Variants in TMEM232 observed in about 807,000 individuals in gnomAD.
TMEM232 encodes the protein transmembrane protein 232.
In TMEM232, 80 loss-of-function variants were observed where a neutral mutation model predicts 78.8. That is an observed-to-expected ratio of 1.01 (90% CI 0.85 to 1.22). The LOEUF is 1.22. TMEM232 is among the 50% of genes most tolerant of loss of function. The pLI, the probability that TMEM232 is intolerant of heterozygous loss-of-function variation, is 0.00. For missense variants in TMEM232, 881 were observed against 742.2 expected (o/e 1.19, Z -2.17); for synonymous variants, 297 against 254.3 (o/e 1.17, Z -1.60).
chr5:110,516,453 C>T (rs1382162423), intron 12 of TMEM232, among the ~76,000 whole-genome samples: 1 of 152,032 alleles, frequency 6.6e-6, no homozygotes, highest in East Asian at 1.9e-4. Flanking sequence ...CTTCATAGTT[C>T]TAAATTCTCA....
chr5:110,624,535 A>T (rs1377986031), intron 7 of TMEM232, among the ~76,000 whole-genome samples: 1 of 152,054 alleles, frequency 6.6e-6, no homozygotes, highest in Middle Eastern at 3.2e-3. Flanking sequence ...TTATCTATTT[A>T]CTGCTAAAAC....
intron 12 of TMEM232, among the ~76,000 whole-genome samples, chr5:110,503,954 AT>A (rs1378064624): frequency 6.6e-6 from 1 of 152,164 alleles, no homozygotes; most frequent in Non-Finnish European, 1.5e-5. Flanking sequence ...TTATTTGCAT[AT>A]GTCTCTTTTT....
intron 6 of TMEM232, among the ~76,000 whole-genome samples, chr5:110,626,647 T>C (rs1784462466): frequency 6.6e-6 from 1 of 152,100 alleles, no homozygotes; most frequent in African/African-American, 2.4e-5. Flanking sequence ...TAAGCTTTTT[T>C]TGAAATAGTT....
intron 2 of TMEM232, among the ~76,000 whole-genome samples, chr5:110,733,808 C>A (rs1252148325): frequency 5.3e-5 from 8 of 152,108 alleles, no homozygotes; most frequent in Non-Finnish European, 1.0e-4. Flanking sequence ...ACATAATAAA[C>A]CTGCACATGT....
At chr5:110,634,043 A>C (rs141569556) in intron 5 of TMEM232, among the ~76,000 whole-genome samples, 1 of 152,160 alleles carries the variant, frequency 6.6e-6, no homozygotes, top group Non-Finnish European at 1.5e-5. Flanking sequence ...AGTAGGAGTA[A>C]CTATCCTTCT....
At chr5:110,736,053 G>A (rs917859652) in intron 1 of TMEM232, among the ~76,000 whole-genome samples, 2 of 152,114 alleles carry the variant, frequency 1.3e-5, no homozygotes, top group Non-Finnish European at 2.9e-5. Context: ...ATTTGTTATG[G>A]GGGTAATTCA....
At chr5:110,631,944 C>T (rs1176064891) in intron 5 of TMEM232, among the ~76,000 whole-genome samples, 1 of 151,934 alleles carries the variant, frequency 6.6e-6, no homozygotes, top group East Asian at 1.9e-4. Flanking sequence ...AAGAATTGGC[C>T]CGCCTGGTCC....
intron 11 of TMEM232, among the ~76,000 whole-genome samples, chr5:110,538,304 G>A (rs562530659): frequency 2.6e-5 from 4 of 152,222 alleles, no homozygotes; most frequent in Non-Finnish European, 4.4e-5. Flanking sequence ...AGCTCCAAAA[G>A]CTACTGATGG....
At chr5:110,391,891 G>A (rs1046949054) in intron 3 of TMEM232, among the ~76,000 whole-genome samples, 2 of 152,080 alleles carry the variant, frequency 1.3e-5, no homozygotes, top group Non-Finnish European at 2.9e-5. Context: ...CAAATAGCGA[G>A]GTGCTTAGTG....
chr5:110,678,110 G>T (rs1033439216), intron 1 of TMEM232, among the ~76,000 whole-genome samples: 4 of 152,074 alleles, frequency 2.6e-5, no homozygotes, highest in African/African-American at 9.7e-5. Flanking sequence ...TGTCGCCCAG[G>T]CTAGAGTGCA....
intron 12 of TMEM232, among the ~76,000 whole-genome samples, chr5:110,520,084 G>A (rs2149496139): frequency 6.6e-6 from 1 of 150,918 alleles, no homozygotes; most frequent in South Asian, 2.1e-4. Flanking sequence ...GGTAGGAGGA[G>A]TAAGATCTGA....
chr5:110,638,164 A>G (rs532077307), intron 5 of TMEM232, 34 bp downstream of exon 5: 1 of 1,480,340 alleles, frequency 6.8e-7, no homozygotes, highest in Non-Finnish European at 9.1e-7. Flanking sequence ...TATGTGAAAT[A>G]TTTAAAAACA....
intron 3 of TMEM232, among the ~76,000 whole-genome samples, chr5:110,393,532 T>C (rs1313975623): frequency 1.3e-5 from 2 of 152,242 alleles, no homozygotes; most frequent in Non-Finnish European, 1.5e-5. Context: ...ATAATTAAAA[T>C]TGACTAACTA....
intron 1 of TMEM232, among the ~76,000 whole-genome samples, chr5:110,715,853 T>C (rs923710786): frequency 2.0e-5 from 3 of 152,182 alleles, no homozygotes; most frequent in Non-Finnish European, 4.4e-5. Flanking sequence ...ATCTATTCTC[T>C]CTGAAGCCTG....
chr5:110,593,833 G>T (rs1331902475), intron 10 of TMEM232, among the ~76,000 whole-genome samples: 1 of 151,984 alleles, frequency 6.6e-6, no homozygotes, highest in Non-Finnish European at 1.5e-5. Context: ...TGGATTGTTT[G>T]TAACACAAAA....
chr5:110,577,257 C>T (rs1388944050), intron 10 of TMEM232, among the ~76,000 whole-genome samples: 2 of 151,970 alleles, frequency 1.3e-5, no homozygotes, highest in African/African-American at 2.4e-5. Flanking sequence ...ATGTGGCTAA[C>T]AATCATATTT....
At chr5:110,584,721 A>T (rs1778608100) in intron 10 of TMEM232, among the ~76,000 whole-genome samples, 1 of 152,092 alleles carries the variant, frequency 6.6e-6, no homozygotes, top group Non-Finnish European at 1.5e-5. Flanking sequence ...TCTGGACCAT[A>T]TTAAATGACA....
chr5:110,672,791 G>A (rs143059128), intron 1 of TMEM232, among the ~76,000 whole-genome samples: 1 of 151,926 alleles, frequency 6.6e-6, no homozygotes, highest in East Asian at 1.9e-4. Context: ...CCAAAGCTTG[G>A]AGCTATCAGC....
chr5:110,729,907 A>G (rs1798515600), upstream of TMEM232, among the ~76,000 whole-genome samples: 1 of 152,216 alleles, frequency 6.6e-6, no homozygotes, highest in African/African-American at 2.4e-5. Flanking sequence ...TCACCTGGGA[A>G]GACACCTCAT....
Sources: allele counts gnomAD v4.1 joint callset (sites outside exome capture counted in the v4.1 genomes callset), GRCh38; gene constraint gnomAD v4.1.1; transcripts MANE v1.5; gene names NCBI Gene and HGNC (gene_info 2026-07-23, HGNC 2026-07-21).